The following SCAPER variants were observed in gnomAD, a reference collection of about 807,000 sequenced individuals.
The protein encoded by SCAPER is S-phase cyclin A associated protein in the ER.
Under a neutral mutation model 182.2 loss-of-function variants are expected in SCAPER, and 98 were observed. The observed-to-expected ratio is 0.54, with a 90% CI of 0.46 to 0.64. The LOEUF is 0.64. Ranked by LOEUF, SCAPER falls within the 30% of genes least tolerant of loss-of-function variation. The probability of loss-of-function intolerance (pLI) is 0.00; values close to 1 mark genes in which losing one functional copy is unlikely to be tolerated. For synonymous variants in SCAPER, 605 were observed against 564.6 expected (o/e 1.07, Z -1.01); for missense variants, 1,432 against 1,690.0 (o/e 0.85, Z 2.68).
chr15:76,500,641 C>T (rs1280283709), intron 24 of SCAPER, among the ~76,000 whole-genome samples: 4 of 152,040 alleles, frequency 2.6e-5, no homozygotes, highest in Admixed American at 2.0e-4. Flanking sequence ...GTAACATGGG[C>T]CATTCTTTAT....
At chr15:76,901,238 A>G (rs2074762970) in intron 1 of SCAPER, among the ~76,000 whole-genome samples, 1 of 152,228 alleles carries the variant, frequency 6.6e-6, no homozygotes, top group Admixed American at 6.5e-5. Context: ...TCAAAAGAAA[A>G]AAAGAGTAAT....
chr15:76,899,263 C>T (rs1196371266), intron 1 of SCAPER, among the ~76,000 whole-genome samples: 2 of 152,210 alleles, frequency 1.3e-5, no homozygotes, highest in Non-Finnish European at 2.9e-5. Flanking sequence ...GCCTCAGGCT[C>T]CGGTGATTCT....
At chr15:76,754,845 C>T (rs887198838) in intron 14 of SCAPER, among the ~76,000 whole-genome samples, 1 of 152,096 alleles carries the variant, frequency 6.6e-6, no homozygotes, top group African/African-American at 2.4e-5. Flanking sequence ...CAACACTTAG[C>T]CTCTCCTAGA....
intron 21 of SCAPER, among the ~76,000 whole-genome samples, chr15:76,624,188 T>C (rs2052363016): frequency 5.3e-5 from 8 of 152,196 alleles, no homozygotes; most frequent in Admixed American, 3.9e-4. Flanking sequence ...ATAGACGACT[T>C]CAGTAAAGTT....
intron 10 of SCAPER, among the ~76,000 whole-genome samples, chr15:76,767,957 C>T (rs1169271581): frequency 6.6e-6 from 1 of 151,838 alleles, no homozygotes; most frequent in Non-Finnish European, 1.5e-5. Context: ...AAAAATATCA[C>T]CAGGAATAAA....
intron 25 of SCAPER, among the ~76,000 whole-genome samples, chr15:76,440,953 G>C (rs2047546684): frequency 8.4e-6 from 1 of 119,602 alleles, no homozygotes; most frequent in Non-Finnish European, 1.6e-5. Flanking sequence ...ACGGAGTCTG[G>C]CTCTGTCGCC....
At chr15:76,849,821 G>A (rs1470412350) in intron 4 of SCAPER, among the ~76,000 whole-genome samples, 1 of 152,174 alleles carries the variant, frequency 6.6e-6, no homozygotes, top group Admixed American at 6.5e-5. Flanking sequence ...AGGTTTAATT[G>A]ACTCACAGTT....
chr15:76,630,767 T>C (rs956802918), intron 21 of SCAPER, among the ~76,000 whole-genome samples: 2 of 152,178 alleles, frequency 1.3e-5, no homozygotes, highest in African/African-American at 4.8e-5. Context: ...AGAATGTATA[T>C]TCTGTTGTTT....
At chr15:76,410,547 G>A (rs2045213257) in intron 26 of SCAPER, among the ~76,000 whole-genome samples, 1 of 152,174 alleles carries the variant, frequency 6.6e-6, no homozygotes, top group Non-Finnish European at 1.5e-5. Flanking sequence ...CAAGGCTGAG[G>A]TAGATAGAAG....
At chr15:76,486,936 C>G (rs2051710636) in intron 24 of SCAPER, among the ~76,000 whole-genome samples, 1 of 152,114 alleles carries the variant, frequency 6.6e-6, no homozygotes, top group Admixed American at 6.5e-5. Context: ...GACATGGAAT[C>G]AACCTAAATG....
chr15:76,776,755 AC>A (rs2063768444), intron 8 of SCAPER, among the ~76,000 whole-genome samples: 1 of 152,122 alleles, frequency 6.6e-6, no homozygotes, highest in African/African-American at 2.4e-5. Context: ...AGCTTATAAA[AC>A]CGGTAGGAGG....
At chr15:76,640,471 C>T (rs1379006399) in intron 21 of SCAPER, among the ~76,000 whole-genome samples, 1 of 152,158 alleles carries the variant, frequency 6.6e-6, no homozygotes, top group African/African-American at 2.4e-5. Context: ...GCCTCTCAAG[C>T]ACACTTAACT....
chr15:76,661,931 C>T (rs904714810), intron 21 of SCAPER, among the ~76,000 whole-genome samples: 1 of 152,080 alleles, frequency 6.6e-6, no homozygotes, highest in Non-Finnish European at 1.5e-5. Flanking sequence ...GGAACCAACC[C>T]AAATGCCCAT....
intron 24 of SCAPER, among the ~76,000 whole-genome samples, chr15:76,487,894 G>A (rs142072258): frequency 4.4e-4 from 67 of 152,140 alleles, no homozygotes; most frequent in Middle Eastern, 3.4e-3. Context: ...TGCATACTTG[G>A]AATCAGCCAC....
intron 2 of SCAPER, among the ~76,000 whole-genome samples, chr15:76,881,388 G>A (rs956532910): frequency 7.2e-5 from 11 of 152,184 alleles, no homozygotes; most frequent in Middle Eastern, 3.2e-3. Context: ...AAGCCATTGC[G>A]TCTGGCCTGA....
chr15:76,381,847 C>A (rs2042965102), intron 27 of SCAPER, among the ~76,000 whole-genome samples: 1 of 152,334 alleles, frequency 6.6e-6, no homozygotes, highest in East Asian at 1.9e-4. Flanking sequence ...GAGCACTCTG[C>A]AGCCAGTGCT....
chr15:76,791,565 A>G (rs1054114618), intron 8 of SCAPER, among the ~76,000 whole-genome samples: 2 of 152,166 alleles, frequency 1.3e-5, no homozygotes, highest in African/African-American at 2.4e-5. Flanking sequence ...CTTCGGGGCA[A>G]AAATCTTAGA....
intron 24 of SCAPER, among the ~76,000 whole-genome samples, chr15:76,498,041 T>TCTC: frequency 7.3e-6 from 1 of 136,776 alleles, no homozygotes; most frequent in South Asian, 2.6e-4. Context: ...AGGCCTGGCA[T>TCTC]CTCAGGAAAC....
intron 23 of SCAPER, among the ~76,000 whole-genome samples, chr15:76,558,517 A>G (rs1228726358): frequency 3.3e-5 from 5 of 152,210 alleles, no homozygotes; most frequent in African/African-American, 1.2e-4. Context: ...TAAAAAGTCA[A>G]AAATGAACAG....
Sources: gnomAD v4.1 joint callset for allele counts (sites outside exome capture counted in the v4.1 genomes callset) on GRCh38, gnomAD v4.1.1 for gene constraint, MANE v1.5 for transcripts, NCBI Gene and HGNC (gene_info 2026-07-23, HGNC 2026-07-21) for gene names.